VTA1: variants seen among roughly 807,000 people sequenced by gnomAD.
The protein encoded by VTA1 is vesicle trafficking 1, also known as vacuolar protein sorting-associated protein VTA1 homolog.
In VTA1, 24 loss-of-function variants were observed where a neutral mutation model predicts 36.9. The observed-to-expected ratio is 0.65, with a 90% CI of 0.47 to 0.91. The LOEUF is 0.91. Among genes scored for constraint, VTA1 ranks in the 40% least tolerant of loss-of-function variants. The pLI, the probability that VTA1 is intolerant of heterozygous loss-of-function variation, is 0.00. For synonymous variants in VTA1, 142 were observed against 130.2 expected (o/e 1.09, Z -0.62); for missense variants, 393 against 377.2 (o/e 1.04, Z -0.35).
At chr6:142,207,485 C>T (rs1012219230) in intron 7 of VTA1, among the ~76,000 whole-genome samples, 1 of 152,098 alleles carries the variant, frequency 6.6e-6, no homozygotes, top group African/African-American at 2.4e-5. Context: ...TTTCCCAGGT[C>T]CTGTAGGCAC....
At position 142,198,863 on chromosome 6, in the gene VTA1, A is replaced by G. The variant is rs574851315; in HGVS notation, c.697+248A>G. On this transcript the variant is annotated intron_variant, in intron 6 of 7. Coordinates refer to ENST00000367630, the MANE Select transcript of VTA1 (RefSeq NM_016485.5). ...CTTAACCTTATATTTTATTAATAAG[A>G]TTGGTTTCCATGCTTTTCATATATA... is the stretch of plus-strand genomic sequence containing the variant. The G allele has an allele frequency of 4.1e-3, 1,083 of 266,812 alleles. 10 individuals carry two copies. The highest frequency in any genetic ancestry group is 3.9e-3 in the Non-Finnish European group (564 of 143,152). The allele number at this position is 266,812 out of a possible 1,614,324, so 16.5% of individuals were successfully genotyped here.
intron 7 of VTA1, among the ~76,000 whole-genome samples, chr6:142,217,542 G>A (rs1276537091): frequency 6.6e-6 from 1 of 151,112 alleles, no homozygotes; most frequent in East Asian, 1.9e-4. Context: ...ATTTTATGCT[G>A]CGTGTGTGTA....
chr6:142,166,233 T>A lies in VTA1; in HGVS notation c.118T>A (p.Leu40Ile), dbSNP rs774788611. ...RDPVVAYYCR[L>I]YAMQTGMKID... ...TATCTTACTTTTCTTTCTAGGTCGT[T>A]TATACGCAATGCAGACTGGAATGAA... Residue 40 changes from leucine to isoleucine, a missense_variant, in exon 2 of 8, where the codon TTA (leucine) becomes ATA (isoleucine). Physicochemically the swap from Leu to Ile is conservative, Grantham distance 5. Transcript: ENST00000367630. 3.7e-6 allele frequency: 6 copies of A among 1,603,630 alleles called. No homozygotes were observed. The East Asian group carries it at 1.3e-4, about 36-fold the overall frequency.
intron 4 of VTA1, 110 bp from the exon 5 acceptor site, chr6:142,189,316 A>G (rs1775405573): frequency 1.2e-6 from 1 of 831,808 alleles, no homozygotes; most frequent in Non-Finnish European, 1.9e-6. Context: ...TTAGAGCTGT[A>G]ATCTGCAAAA....
intron 4 of VTA1, among the ~76,000 whole-genome samples, chr6:142,178,107 A>G (rs1221426692): frequency 6.6e-6 from 1 of 152,160 alleles, no homozygotes; most frequent in Non-Finnish European, 1.5e-5. Flanking sequence ...AGGTTAATAT[A>G]AAGGAAATCA....
At chr6:142,189,972 T>C (rs1240726231) in intron 5 of VTA1, among the ~76,000 whole-genome samples, 1 of 152,122 alleles carries the variant, frequency 6.6e-6, no homozygotes, top group Admixed American at 6.5e-5. Flanking sequence ...TTAGACAGGA[T>C]GGTCTCGATC....
chr6:142,161,147 G>A (rs225646), intron 1 of VTA1, among the ~76,000 whole-genome samples: 118,609 of 148,806 alleles, frequency 0.8, 47,449 homozygotes, highest in East Asian at 0.97. Context: ...AGTTAGATAT[G>A]TTTTGTACAA....
chr6:142,198,554 A>G lies in VTA1; in HGVS notation c.636A>G (p.Ile212Met), dbSNP rs1294089291. 2 of 1,614,138 alleles carry G rather than the reference A, an allele frequency of 1.2e-6. No individual in the cohort carries two copies. Among genetic ancestry groups the G allele is most frequent in the Admixed American group, 3.3e-5 (2 of 60,034 alleles). The change falls in exon 6 of 8, where the codon ATA (isoleucine) becomes ATG (methionine). Residue 212 changes from isoleucine to methionine, a missense_variant. Ile to Met is a conservative substitution (Grantham distance 10). Coordinates refer to ENST00000367630, the MANE Select transcript of VTA1 (RefSeq NM_016485.5). ...SNMPSGNYTG[I>M]QIPPGAHAPA... is the part of the protein sequence containing the mutation. ...TGCCATCAGGCAACTATACTGGAAT[A>G]CAGATTCCTCCGGGTGCACACGCTC... is the stretch of plus-strand genomic sequence containing the variant.
intron 4 of VTA1, 76 bp from the exon 5 acceptor site, chr6:142,189,350 A>G: frequency 8.2e-7 from 1 of 1,218,816 alleles, no homozygotes; most frequent in South Asian, 1.4e-5. Context: ...CAGAAATATG[A>G]TATAGGTCAT....
At chr6:142,162,110 T>G (rs1234718313) in intron 1 of VTA1, among the ~76,000 whole-genome samples, 1 of 152,198 alleles carries the variant, frequency 6.6e-6, no homozygotes, top group Non-Finnish European at 1.5e-5. Context: ...ATAATTACAC[T>G]GTGTTTAACT....
intron 1 of VTA1, among the ~76,000 whole-genome samples, chr6:142,151,366 C>A (rs1778565212): frequency 6.6e-6 from 1 of 152,128 alleles, no homozygotes; most frequent in Non-Finnish European, 1.5e-5. Context: ...TAAAAATTTT[C>A]ATGAGATGAC....
intron 1 of VTA1, among the ~76,000 whole-genome samples, chr6:142,163,056 A>G (rs907565781): frequency 1.3e-5 from 2 of 152,208 alleles, no homozygotes; most frequent in South Asian, 2.1e-4. Context: ...TTTGAATTCA[A>G]TTTACTTGCT....
chr6:142,178,753 C>T (rs1441363756), intron 4 of VTA1, among the ~76,000 whole-genome samples: 1 of 151,984 alleles, frequency 6.6e-6, no homozygotes, highest in Non-Finnish European at 1.5e-5. Context: ...TATGTTGTTA[C>T]ATACCATAAT....
At chr6:142,201,784 TAC>T (rs1775690543) in intron 6 of VTA1, among the ~76,000 whole-genome samples, 2 of 151,970 alleles carry the variant, frequency 1.3e-5, no homozygotes, top group South Asian at 4.1e-4. Flanking sequence ...TTCTCATGAT[TAC>T]ACTAAGGTTT....
chr6:142,158,676 A>G (rs777688683), intron 1 of VTA1, among the ~76,000 whole-genome samples: 19 of 152,180 alleles, frequency 1.2e-4, no homozygotes, highest in East Asian at 7.7e-4. Context: ...TTGGTTTTCT[A>G]TGTCTCATTT....
intron 1 of VTA1, among the ~76,000 whole-genome samples, chr6:142,153,026 G>A (rs1306601673): frequency 6.6e-6 from 1 of 151,960 alleles, no homozygotes; most frequent in Non-Finnish European, 1.5e-5. Flanking sequence ...TCTAGAAATT[G>A]TTCTTGTGTG....
intron 4 of VTA1, among the ~76,000 whole-genome samples, chr6:142,187,268 T>G (rs1205537573): frequency 6.6e-6 from 1 of 152,236 alleles, no homozygotes; most frequent in Non-Finnish European, 1.5e-5. Context: ...GAATAGAGTG[T>G]CACAAAAACT....
In VTA1 at chr6:142,218,640, A is replaced by C. The variant is rs1776047350; in HGVS notation, c.921A>C (p.Glu307Asp). 6.2e-7 allele frequency: 1 copy of C among 1,608,654 alleles called. No individual in the cohort carries two copies. Among genetic ancestry groups the C allele is most frequent in the Admixed American group, 1.7e-5 (1 of 58,812 alleles). Residue 307 changes from glutamate to aspartate, a missense_variant, in exon 8 of 8, where the codon GAA becomes GAC. By Grantham distance (45) the Glu-to-Asp change is conservative. Transcript: ENST00000367630. ...KALKLLTTGR[E>D] is the part of the protein sequence containing the mutation. ...TCAAGTTACTGACGACAGGCAGAGAATGAAGCCTTTGTATGACAGACCCAT... is the reference window on the plus strand; with the variant it reads ...TCAAGTTACTGACGACAGGCAGAGACTGAAGCCTTTGTATGACAGACCCAT...
intron 7 of VTA1, among the ~76,000 whole-genome samples, chr6:142,206,776 A>T (rs1484449821): frequency 6.6e-6 from 1 of 152,186 alleles, no homozygotes; most frequent in Non-Finnish European, 1.5e-5. Flanking sequence ...GAGTCCAAAA[A>T]TAGACCCATA....
Sources: gnomAD v4.1 joint callset for allele counts (sites outside exome capture counted in the v4.1 genomes callset) on GRCh38, gnomAD v4.1.1 for gene constraint, MANE v1.5 for transcripts, NCBI Gene and HGNC (gene_info 2026-07-23, HGNC 2026-07-21) for gene names.